ARSL: variants seen among roughly 807,000 people sequenced by gnomAD.
The protein encoded by ARSL is arylsulfatase L.
Under a neutral mutation model 31.1 loss-of-function variants are expected in ARSL, and 4 were observed. The ratio of observed to expected loss-of-function variants is 0.13; its 90% CI spans 0.06 to 0.29. The LOEUF (loss-of-function observed/expected upper bound fraction) is 0.29, where lower values mean the gene tolerates loss of function less well. ARSL is among the 10% of genes least tolerant of loss of function. ARSL has a pLI of 1.00. For missense variants in ARSL, 312 were observed against 497.8 expected (o/e 0.63, Z 3.55); for synonymous variants, 198 against 209.9 (o/e 0.94, Z 0.49).
At chrX:2,958,495 A>G (rs112397890) in intron 2 of ARSL, 60 bp from the exon 3 acceptor site, 12 of 1,140,549 alleles carry the variant, frequency 1.1e-5, no homozygotes, top group Middle Eastern at 2.7e-4. Flanking sequence ...GTATGGGGGA[A>G]GTTGGCATCA....
At chrX:2,952,216 C>T (rs1569107067) in intron 5 of ARSL, among the ~76,000 whole-genome samples, 1 of 111,660 alleles carries the variant, frequency 9.0e-6, no homozygotes, top group African/African-American at 3.3e-5. Context: ...AAATAGGTAG[C>T]ATTACAGAAA....
Position 2,958,152 on chromosome X carries a change from A to G in ARSL, c.185+122T>C, listed in dbSNP as rs938254414. ...AACATTAGGGAGAGTTAGAAAACGCAGAAGTGCAGAACTCTTGAAGTGTGA... is the reference window on the plus strand; with the variant it reads ...AACATTAGGGAGAGTTAGAAAACGCGGAAGTGCAGAACTCTTGAAGTGTGA... On this transcript the variant is annotated intron_variant, in intron 3 of 10. Coordinates refer to ENST00000381134, the MANE Select transcript of ARSL (RefSeq NM_000047.3). 8 of 972,155 alleles carry G rather than the reference A, an allele frequency of 8.2e-6. No individual in the cohort carries two copies. The Admixed American group carries it at 1.6e-4, about 19-fold the overall frequency. 80.1% of individuals were successfully genotyped at this position (972,155 alleles called of 1,213,427 possible). A position where few individuals can be genotyped will look rare whatever the true frequency, so the allele number is the denominator to read the frequency against.
intron 6 of ARSL, 61 bp from the exon 7 acceptor site, chrX:2,946,195 G>A (rs1010888258): frequency 2.6e-5 from 28 of 1,082,994 alleles, no homozygotes; most frequent in Admixed American, 9.0e-5. Flanking sequence ...TTGAAGTCCT[G>A]TAGATACTAA....
Position 2,955,450 on chromosome X carries a change from G to A in ARSL, c.273C>T (p.Ala91=). ...CAGGGTATCTGCCCGTGAGGAAGGC[G>A]GCTCTGCTTGGGGTGCACAAAGATG... is the stretch of plus-strand genomic sequence containing the variant. ...SAASLCTPSR[A]AFLTGRYPVR... The change falls in exon 4 of 11, where the codon GCC becomes GCT. Residue 91 remains alanine, a synonymous_variant. Coordinates refer to ENST00000381134, the MANE Select transcript of ARSL (RefSeq NM_000047.3). 1 of 1,211,854 alleles carries A rather than the reference G, an allele frequency of 8.3e-7. No homozygotes were observed. Among genetic ancestry groups the A allele is most frequent in the Non-Finnish European group, 1.1e-6 (1 of 895,371 alleles).
chrX:2,955,335 A>G (rs2147393739), intron 4 of ARSL, 81 bp downstream of exon 4: 1 of 1,151,908 alleles, frequency 8.7e-7, no homozygotes, highest in African/African-American at 1.8e-5. Context: ...AATAAAAAAT[A>G]AAAAAACCAA....
chrX:2,963,131 C>T (rs2089660749), intron 1 of ARSL, among the ~76,000 whole-genome samples: 2 of 112,085 alleles, frequency 1.8e-5, no homozygotes, highest in Admixed American at 9.5e-5. Context: ...ATAAGGTGTA[C>T]GCCGTGCTCG....
At position 2,936,853 on chromosome X, in the gene ARSL, C is replaced by T. The variant is rs886041134; in HGVS notation, c.1300G>A (p.Gly434Ser). ...GEVPQDRVID[G>S]QDLLPLLLGT... Reference sequence around the variant, plus strand: ...AGGAGCAAGGGCAGAAGGTCTTGGCCGTCAATCACTCTGCAGGAAGGAACA... The same window carrying T: ...AGGAGCAAGGGCAGAAGGTCTTGGCTGTCAATCACTCTGCAGGAAGGAACA... The change falls in exon 10 of 11, where the codon GGC becomes AGC. Residue 434 changes from glycine to serine, a missense_variant. Physicochemically the swap from Gly to Ser is moderately conservative, Grantham distance 56 (BLOSUM62 0). Coordinates refer to ENST00000381134, the MANE Select transcript of ARSL (RefSeq NM_000047.3). 8.3e-7 allele frequency: 1 copy of T among 1,211,529 alleles called. No homozygotes were observed.
At chrX:2,966,006 G>A, upstream of ARSL, among the ~76,000 whole-genome samples, 1 of 112,464 alleles carries the variant, frequency 8.9e-6, no homozygotes. Context: ...CTACGCAATG[G>A]TCCCTATTAT....
intron 6 of ARSL, among the ~76,000 whole-genome samples, chrX:2,948,952 T>C (rs1201155873): frequency 9.1e-6 from 1 of 110,276 alleles, no homozygotes; most frequent in African/African-American, 3.3e-5. Context: ...AGACAGGTTC[T>C]CCCTGTGTCA....
At chrX:2,959,608 T>G in intron 2 of ARSL, 1 of 1,150,737 alleles carries the variant, frequency 8.7e-7, no homozygotes, top group Non-Finnish European at 1.1e-6. Context: ...CCCACCTGAT[T>G]TGCAGAGAAT....
intron 3 of ARSL, among the ~76,000 whole-genome samples, chrX:2,956,814 A>G (rs1190507948): frequency 9.0e-6 from 1 of 110,581 alleles, no homozygotes. Context: ...GTCTGATCAC[A>G]GCTCACTGCA....
At chrX:2,955,304 A>G in intron 4 of ARSL, 112 bp downstream of exon 4, 1 of 967,649 alleles carries the variant, frequency 1.0e-6, no homozygotes, top group Non-Finnish European at 1.4e-6. Flanking sequence ...GATAGAGAGA[A>G]CACCCCCCAG....
At chrX:2,945,440 C>G (rs1257735627) in intron 7 of ARSL, among the ~76,000 whole-genome samples, 3 of 111,987 alleles carry the variant, frequency 2.7e-5, no homozygotes, top group Non-Finnish European at 5.6e-5. Flanking sequence ...TTTTGTTTGT[C>G]TACCACATGG....
At chrX:2,963,839 C>T (rs192224698) in intron 1 of ARSL, among the ~76,000 whole-genome samples, 297 of 109,203 alleles carry the variant, frequency 2.7e-3, no homozygotes, top group African/African-American at 9.5e-3. Flanking sequence ...CCACCGTGCC[C>T]GACCTAATTT....
chrX:2,943,281 G>C (rs1262239964), intron 7 of ARSL, 82 bp from the exon 8 acceptor site: 2 of 1,112,176 alleles, frequency 1.8e-6, no homozygotes, highest in East Asian at 6.2e-5. Context: ...TTTAGCATTC[G>C]GGGGCTAGCC....
chrX:2,951,733 C>T (rs1293266122), intron 5 of ARSL, among the ~76,000 whole-genome samples: 1 of 104,534 alleles, frequency 9.6e-6, no homozygotes, highest in Non-Finnish European at 1.9e-5. Context: ...TCTGGGAGGT[C>T]GAGACTGCAG....
intron 2 of ARSL, among the ~76,000 whole-genome samples, 165 bp downstream of exon 2, chrX:2,960,213 G>A (rs1353882380): frequency 4.2e-5 from 3 of 70,855 alleles, no homozygotes; most frequent in Non-Finnish European, 5.4e-5. Flanking sequence ...AGCTTGCAGT[G>A]AGCCGAGATC....
At chrX:2,938,415 A>G (rs1447743027) in intron 8 of ARSL, among the ~76,000 whole-genome samples, 158 bp from the exon 9 acceptor site, 1 of 112,249 alleles carries the variant, frequency 8.9e-6, no homozygotes, top group African/African-American at 3.2e-5. Context: ...AGTGACATTA[A>G]AACATTCAAT....
chrX:2,960,359 G>A lies in ARSL; in HGVS notation c.23+19C>T, dbSNP rs1184789992. On this transcript the variant is annotated intron_variant, in intron 2 of 10. Coordinates refer to ENST00000381134, the MANE Select transcript of ARSL (RefSeq NM_000047.3). Reference sequence around the variant, plus strand: ...GAAAGAAAGGAGACTACTAATGAGTGCATATAATTGTATCTTACCAAGAAT... The same window carrying A: ...GAAAGAAAGGAGACTACTAATGAGTACATATAATTGTATCTTACCAAGAAT... 6 of 1,033,005 alleles carry A rather than the reference G, an allele frequency of 5.8e-6. No homozygotes were observed. The highest frequency in any genetic ancestry group is 8.1e-6 in the Non-Finnish European group (6 of 737,710). The allele number at this position is 1,033,005 out of a possible 1,213,427, so 85.1% of individuals were successfully genotyped here. A position where few individuals can be genotyped will look rare whatever the true frequency, so the allele number is the denominator to read the frequency against.
Sources: gnomAD v4.1 joint callset for allele counts (sites outside exome capture counted in the v4.1 genomes callset) on GRCh38, gnomAD v4.1.1 for gene constraint, MANE v1.5 for transcripts, NCBI Gene and HGNC (gene_info 2026-07-23, HGNC 2026-07-21) for gene names.